Variants in PPFIA3 observed in about 807,000 individuals in gnomAD.
PPFIA3 encodes the protein liprin-alpha-3.
PPFIA3 carries 26 observed loss-of-function variants against 145.8 expected under a neutral mutation model. That is an observed-to-expected ratio of 0.18 (90% CI 0.13 to 0.25). The LOEUF is 0.25. Ranked by LOEUF, PPFIA3 falls within the 10% of genes least tolerant of loss-of-function variation. The probability of loss-of-function intolerance (pLI) is 1.00; values close to 1 mark genes in which losing one functional copy is unlikely to be tolerated. For missense variants in PPFIA3, 1,008 were observed against 1,587.8 expected, an observed-to-expected ratio of 0.63 and a Z score of 6.21; for synonymous variants, 645 against 661.4, an observed-to-expected ratio of 0.98 and a Z score of 0.38.
In PPFIA3 at chr19:49,145,339, G is replaced by A. The variant is rs535807826; in HGVS notation, c.2746-604G>A. On this transcript the variant is annotated intron_variant, in intron 21 of 29. Transcript: ENST00000334186. ...TGGCACTACAGGTGTGAGCCACCAC[G>A]CCTGGCCACAGTTGTTAATTTCATT... Among the ~76,000 whole-genome samples the A allele has an allele frequency of 2.3e-3, 344 of 152,228 alleles. 2 individuals are homozygous for A. Among genetic ancestry groups the A allele is most frequent in the African/African-American group, 7.8e-3 (323 of 41,522 alleles).
chr19:49,128,690 C>T lies in PPFIA3; in HGVS notation c.343-158C>T. On this transcript the variant is annotated intron_variant, in intron 3 of 29. Coordinates refer to ENST00000334186, the MANE Select transcript of PPFIA3 (RefSeq NM_003660.4). This position sits in a 1 kb window ranked among gnomAD's most constrained non-coding sequence, Gnocchi z 4.1. ...TTTCTCTTTTCTGTACCACCGGTTC[C>T]TTGACCCCGACCTCCTCTCTTTTCC... The T allele has an allele frequency of 1.2e-6, 1 of 836,822 alleles. No homozygotes were observed. The highest frequency in any genetic ancestry group is 2.6e-5 in the East Asian group (1 of 38,654). The allele number at this position is 836,822 out of a possible 1,614,324, so 51.8% of individuals were successfully genotyped here. A position where few individuals can be genotyped will look rare whatever the true frequency, so the allele number is the denominator to read the frequency against.
chr19:49,147,477 G>C (rs1324426458), intron 23 of PPFIA3, among the ~76,000 whole-genome samples: 1 of 152,088 alleles, frequency 6.6e-6, no homozygotes, highest in Non-Finnish European at 1.5e-5. Context: ...CTTGAGGTCA[G>C]GAGTTTGAGA....
intron 1 of PPFIA3, among the ~76,000 whole-genome samples, chr19:49,125,750 C>A (rs1183685689): frequency 6.6e-6 from 1 of 151,986 alleles, no homozygotes; most frequent in Non-Finnish European, 1.5e-5. Context: ...GGTGCGGTCT[C>A]CGACTCCTGG....
chr19:49,151,004 G>A lies in PPFIA3; in HGVS notation c.*782G>A. 3.1e-6 allele frequency: 1 copy of A among 325,252 alleles called. No individual in the cohort carries two copies. The highest frequency in any genetic ancestry group is 5.6e-6 in the Non-Finnish European group (1 of 179,626). The allele number at this position is 325,252 out of a possible 1,614,324, so 20.1% of individuals were successfully genotyped here. A position where few individuals can be genotyped will look rare whatever the true frequency, so the allele number is the denominator to read the frequency against. ...CCCCAGGCGTCACTCAGTGATCACG[G>A]GTAAAGAGAACTGTTTCAAAAAGCT... is the stretch of plus-strand genomic sequence containing the variant. On this transcript the variant is annotated 3_prime_UTR_variant, in exon 30 of 30. Coordinates refer to ENST00000334186, the MANE Select transcript of PPFIA3 (RefSeq NM_003660.4).
rs140644536 is a variant in PPFIA3 at position 49,149,130 on chromosome 19, C to T, written c.3247C>T (p.Leu1083=). The T allele has an allele frequency of 6.3e-4, 1,019 of 1,614,174 alleles. 6 individuals are homozygous for T. The African/African-American group carries it at 0.012, about 18-fold the overall frequency. The change falls in exon 26 of 30, where the codon CTG becomes TTG. Residue 1083 remains leucine (L), a synonymous_variant. Transcript: ENST00000334186. The surrounding 1 kb of genome is among the most constrained non-coding windows in gnomAD (Gnocchi z 5.7). ...GGACGAGACCTTCGACTACTCCGAC[C>T]TGGCCTTGCTCCTGCAGATCCCCAC... ...ALDETFDYSD[L]ALLLQIPTQN...
At chr19:49,146,395 T>A (rs905793305) in intron 23 of PPFIA3, 169 of 643,012 alleles carry the variant, frequency 2.6e-4, no homozygotes, top group Middle Eastern at 4.2e-4. Context: ...AAGCCCAGAC[T>A]GTTGCATAGT....
rs113252345 is a variant in PPFIA3 at position 49,139,868 on chromosome 19, G to A, written c.2240+37G>A. On this transcript the variant is annotated intron_variant, in intron 17 of 29. Coordinates refer to ENST00000334186, the MANE Select transcript of PPFIA3 (RefSeq NM_003660.4). ...CAAGGGATAGGGACAGGGAGAAGCT[G>A]GCTTGGGAAGATGAGAAGGGGGTGG... is the stretch of plus-strand genomic sequence containing the variant. 1.9e-5 allele frequency: 31 copies of A among 1,610,672 alleles called. No individual in the cohort carries two copies. The African/African-American group carries it at 2.3e-4, about 12-fold the overall frequency.
rs757660935 is a variant in PPFIA3 at position 49,134,709 on chromosome 19, G to C, written c.1440+8G>C. ...GAGTTGCTGCTAAACAAGGTAGGGG[G>C]CCCTGAGGGGACAGGAGGAGGATGT... On this transcript the variant is annotated splice_region_variant and intron_variant, in intron 12 of 29. Coordinates refer to ENST00000334186, the MANE Select transcript of PPFIA3 (RefSeq NM_003660.4). The C allele has an allele frequency of 6.2e-7, 1 of 1,613,622 alleles. No individual in the cohort carries two copies. The highest frequency in any genetic ancestry group is 1.3e-5 in the African/African-American group (1 of 74,928).
rs770945804 is a variant in PPFIA3 at position 49,133,043 on chromosome 19, C to T, written c.922C>T (p.Leu308=). The change falls in exon 8 of 30, where the codon CTG becomes TTG. Residue 308 remains leucine, a synonymous_variant. Coordinates refer to ENST00000334186, the MANE Select transcript of PPFIA3 (RefSeq NM_003660.4). The surrounding 1 kb of genome is among the most constrained non-coding windows in gnomAD (Gnocchi z 7.2). The stretch of plus-strand genomic sequence containing the variant: ...AGATATGGAGGAGCGGATTACAACA[C>T]TGGAGAAGCGCTACCTGAGCGCCCA... The part of the protein sequence containing the change: ...REDMEERITT[L]EKRYLSAQRE... 12 of 1,612,792 alleles carry T rather than the reference C, an allele frequency of 7.4e-6. No individual in the cohort carries two copies. In the East Asian group the frequency reaches 2.7e-4, roughly 36 times the overall value.
chr19:49,127,310 C>G (rs971482372), intron 1 of PPFIA3, among the ~76,000 whole-genome samples: 1 of 147,578 alleles, frequency 6.8e-6, no homozygotes, highest in Non-Finnish European at 1.5e-5. Flanking sequence ...TGAACCGGGA[C>G]CCGGGAGGTG....
chr19:49,131,334 AATTTTT>A (rs1333033907), intron 7 of PPFIA3, among the ~76,000 whole-genome samples: 1,270 of 74,576 alleles, frequency 0.017, 8 homozygotes, highest in Middle Eastern at 0.026. Context: ...ACACCTGGCT[AATTTTT>A]TTTTTTTTTT....
chr19:49,144,483 G>T (rs767268192), intron 21 of PPFIA3, among the ~76,000 whole-genome samples: 5 of 152,162 alleles, frequency 3.3e-5, no homozygotes, highest in African/African-American at 1.2e-4. Context: ...GGAGGCTTTG[G>T]ATGGCCGATC....
chr19:49,127,595 T>C (rs1861351171), intron 1 of PPFIA3, among the ~76,000 whole-genome samples: 1 of 150,804 alleles, frequency 6.6e-6, no homozygotes, highest in Admixed American at 6.6e-5. Context: ...TGAGACCCTG[T>C]TAAAAAAAAA....
intron 23 of PPFIA3, chr19:49,146,507 TG>T: frequency 2.6e-6 from 1 of 383,230 alleles, no homozygotes; most frequent in East Asian, 4.8e-5. Flanking sequence ...GTCCCTATAG[TG>T]GAGGGGGCGG....
intron 1 of PPFIA3, among the ~76,000 whole-genome samples, 178 bp downstream of exon 1, chr19:49,119,900 C>T (rs944836987): frequency 6.6e-6 from 1 of 151,896 alleles, no homozygotes; most frequent in Non-Finnish European, 1.5e-5. Context: ...GAGTCCCCGA[C>T]CGAACCCTAG....
chr19:49,130,430 A>C lies in PPFIA3; in HGVS notation c.710A>C (p.Glu237Ala). Reference protein sequence around the residue: ...PGGDSNRRTAELEEALERQRA... With the variant: ...PGGDSNRRTAALEEALERQRA... ...GGGGATTCCAACCGGCGCACAGCAG[A>C]GCTGGAGGAGGCCCTGGAGCGGCAG... Residue 237 changes from glutamate (E) to alanine (A), a missense_variant, in exon 7 of 30, where the codon GAG (glutamate) becomes GCG (alanine). Glu to Ala is a moderately radical substitution (Grantham distance 107). Coordinates refer to ENST00000334186, the MANE Select transcript of PPFIA3 (RefSeq NM_003660.4). The surrounding 1 kb of genome is among the most constrained non-coding windows in gnomAD (Gnocchi z 4.5). 2.5e-6 allele frequency: 4 copies of C among 1,611,010 alleles called. No individual in the cohort carries two copies. The highest frequency in any genetic ancestry group is 3.4e-6 in the Non-Finnish European group (4 of 1,178,962).
chr19:49,141,409 C>T lies in PPFIA3; in HGVS notation c.2369-11C>T, dbSNP rs765218613. The stretch of plus-strand genomic sequence containing the variant: ...GAGATTTTCCAAATTTCGACCCCTC[C>T]CTGCCTCCAGCTGGAACACCCTCAG... On this transcript the variant is annotated splice_polypyrimidine_tract_variant and intron_variant, in intron 18 of 29. Transcript: ENST00000334186. 1.2e-6 allele frequency: 2 copies of T among 1,612,102 alleles called. No individual in the cohort carries two copies. Among genetic ancestry groups the T allele is most frequent in the East Asian group, 4.5e-5 (2 of 44,830 alleles).
intron 18 of PPFIA3, among the ~76,000 whole-genome samples, chr19:49,140,638 C>A (rs2041208155): frequency 2.1e-5 from 2 of 97,416 alleles, no homozygotes; most frequent in South Asian, 6.6e-4. Flanking sequence ...GACTCATTTA[C>A]CTTTTTTTTT....
intron 24 of PPFIA3, 151 bp from the exon 25 acceptor site, chr19:49,148,515 G>A: frequency 2.7e-6 from 2 of 735,150 alleles, no homozygotes; most frequent in Non-Finnish European, 4.5e-6. Flanking sequence ...TATTGAAAAT[G>A]CCTCACCTCC....
Sources: gnomAD v4.1 joint callset for allele counts (sites outside exome capture counted in the v4.1 genomes callset) on GRCh38, gnomAD v4.1.1 for gene constraint, Gnocchi (gnomAD v3.1) non-coding constraint, MANE v1.5 for transcripts, NCBI Gene and HGNC (gene_info 2026-07-23, HGNC 2026-07-21) for gene names.